The following DLGAP1 variants were observed in gnomAD, a reference collection of about 807,000 sequenced individuals.
DLGAP1 encodes the protein DLG associated protein 1, also known as disks large-associated protein 1.
Under a neutral mutation model 90.8 loss-of-function variants are expected in DLGAP1, and 11 were observed. The ratio of observed to expected loss-of-function variants is 0.12; its 90% CI spans 0.08 to 0.20. The LOEUF is 0.20. DLGAP1 is among the 10% of genes least tolerant of loss of function. The probability of loss-of-function intolerance (pLI) is 1.00; values close to 1 mark genes in which losing one functional copy is unlikely to be tolerated. For synonymous variants in DLGAP1, 558 were observed against 540.7 expected, an observed-to-expected ratio of 1.03 and a Z score of -0.44; for missense variants, 1,050 against 1,333.8, an observed-to-expected ratio of 0.79 and a Z score of 3.31.
intron 2 of DLGAP1, among the ~76,000 whole-genome samples, chr18:4,134,720 C>A (rs1598459385): frequency 6.6e-6 from 1 of 152,128 alleles, no homozygotes; most frequent in South Asian, 2.1e-4. Context: ...TAGGTTGAAA[C>A]ATTTGAATTT....
chr18:3,551,994 T>C (rs555557653), intron 9 of DLGAP1, among the ~76,000 whole-genome samples: 40 of 151,252 alleles, frequency 2.6e-4, no homozygotes, highest in African/African-American at 9.2e-4. Flanking sequence ...TTTTTGTAGA[T>C]AGAGGGTCTC....
At chr18:4,081,561 C>T (rs375701953) in intron 2 of DLGAP1, among the ~76,000 whole-genome samples, 2 of 152,178 alleles carry the variant, frequency 1.3e-5, no homozygotes, top group East Asian at 1.9e-4. Context: ...CTCTCTCTCT[C>T]GCAAAGTAAG....
At chr18:3,694,837 T>C (rs924540361) in intron 7 of DLGAP1, among the ~76,000 whole-genome samples, 1 of 152,174 alleles carries the variant, frequency 6.6e-6, no homozygotes, top group African/African-American at 2.4e-5. Context: ...GGTTGTCTGC[T>C]CACTCTGATG....
At chr18:4,278,053 CT>C (rs1240611830) in intron 1 of DLGAP1, among the ~76,000 whole-genome samples, 2 of 151,816 alleles carry the variant, frequency 1.3e-5, no homozygotes, top group Admixed American at 6.6e-5. Flanking sequence ...AGCTACTTAC[CT>C]TTGGCTCTTT....
chr18:3,551,709 TCCCTCCCTCCCTC>T (rs2053463687), intron 9 of DLGAP1, among the ~76,000 whole-genome samples: 2 of 27,314 alleles, frequency 7.3e-5, no homozygotes, highest in Non-Finnish European at 1.1e-4. Context: ...CCTCCCTCCC[TCCCTCCCTCCCTC>T]CCTTCCTTCC....
At chr18:3,740,814 CTGTCACCAT>C (rs2062870646) in intron 6 of DLGAP1, among the ~76,000 whole-genome samples, 1 of 150,600 alleles carries the variant, frequency 6.6e-6, no homozygotes, top group African/African-American at 2.4e-5. Context: ...ACCGCCACCA[CTGTCACCAT>C]TGCTATTACC....
At chr18:4,161,345 T>C (rs1314814341) in intron 1 of DLGAP1, among the ~76,000 whole-genome samples, 5 of 152,174 alleles carry the variant, frequency 3.3e-5, no homozygotes, top group Non-Finnish European at 7.3e-5. Flanking sequence ...CATGTGGTGT[T>C]TGGTTTTATG....
rs1048185917 is a variant in DLGAP1, at chr18:4,037,569, G to A, written c.-158-32368C>T. ...TTACTTTCCCTTTGTTCTGAGCTGC[G>A]CCATGCCTTTTCTCTTTTGGGGGCT... On this transcript the variant is annotated intron_variant, in intron 2 of 12. Transcript: ENST00000315677. Among the ~76,000 whole-genome samples, 8 of 152,110 alleles carry A rather than the reference G, an allele frequency of 5.3e-5. No individual in the cohort carries two copies. In the East Asian group the frequency reaches 5.8e-4, roughly 11 times the overall value.
At chr18:4,085,317 T>C (rs2075666828) in intron 2 of DLGAP1, among the ~76,000 whole-genome samples, 1 of 152,358 alleles carries the variant, frequency 6.6e-6, no homozygotes, top group South Asian at 2.1e-4. Flanking sequence ...AGTGATTATA[T>C]GCATTAGCAT....
chr18:3,774,670 G>A (rs1188887380), intron 5 of DLGAP1: 2 of 152,152 alleles, frequency 1.3e-5, no homozygotes, highest in Admixed American at 1.3e-4. Flanking sequence ...CGGTTTTACT[G>A]AAATATAACA....
intron 1 of DLGAP1, among the ~76,000 whole-genome samples, chr18:4,406,208 AG>A (rs2082661705): frequency 6.6e-6 from 1 of 152,174 alleles, no homozygotes; most frequent in African/African-American, 2.4e-5. Flanking sequence ...GCCCACCACC[AG>A]TCTGATTGGT....
chr18:3,600,971 TAG>T lies in DLGAP1; in HGVS notation c.1592-18725_1592-18724del, dbSNP rs1160359079. The stretch of plus-strand genomic sequence containing the variant: ...ATATAGATATATATAGATATATAGA[TAG>T]ATATATAGATATAGATATATAGATA... On this transcript the variant is annotated intron_variant, in intron 7 of 12. Coordinates refer to ENST00000315677, the MANE Select transcript of DLGAP1 (RefSeq NM_004746.4). Among the ~76,000 whole-genome samples the T allele has an allele frequency of 6.2e-4, 70 of 112,816 alleles. 6 individuals are homozygous for T. Among genetic ancestry groups the T allele is most frequent in the South Asian group, 1.9e-3 (7 of 3,780 alleles). The allele number at this position is 112,816 out of a possible 152,430, so 74.0% of individuals were successfully genotyped here. A position where few individuals can be genotyped will look rare whatever the true frequency, so the allele number is the denominator to read the frequency against.
chr18:4,306,828 G>A (rs533440887), intron 1 of DLGAP1, among the ~76,000 whole-genome samples: 3 of 152,246 alleles, frequency 2.0e-5, no homozygotes, highest in Non-Finnish European at 4.4e-5. Flanking sequence ...ATTTTCACAA[G>A]AATTTATTAA....
intron 1 of DLGAP1, among the ~76,000 whole-genome samples, chr18:4,169,938 T>A (rs934699578): frequency 7.9e-5 from 12 of 152,170 alleles, no homozygotes; most frequent in African/African-American, 2.9e-4. Context: ...GCCCTTATTG[T>A]AAAATGTGAA....
At chr18:3,781,509 T>C (rs11661523) in intron 5 of DLGAP1, among the ~76,000 whole-genome samples, 146,936 of 152,202 alleles carry the variant, frequency 0.97, 71,018 homozygotes, top group East Asian at 1. Context: ...CCTGCCACCA[T>C]GCCGGCTAAT....
At chr18:4,071,808 TA>T (rs1395250132) in intron 2 of DLGAP1, among the ~76,000 whole-genome samples, 4 of 152,220 alleles carry the variant, frequency 2.6e-5, no homozygotes, top group Non-Finnish European at 5.9e-5. Flanking sequence ...TATGATTTTC[TA>T]ACTCTGTTCA....
intron 1 of DLGAP1, among the ~76,000 whole-genome samples, chr18:4,302,761 T>C (rs931481808): frequency 5.9e-5 from 9 of 152,166 alleles, no homozygotes; most frequent in East Asian, 1.9e-4. Flanking sequence ...AAAATGACAT[T>C]GAAATTTTAA....
At chr18:4,038,223 G>T (rs1475874408) in intron 2 of DLGAP1, among the ~76,000 whole-genome samples, 1 of 152,196 alleles carries the variant, frequency 6.6e-6, no homozygotes, top group Non-Finnish European at 1.5e-5. Context: ...ATTAAGTAAT[G>T]ATTTAAACAT....
intron 4 of DLGAP1, among the ~76,000 whole-genome samples, chr18:3,877,581 G>A (rs1479573483): frequency 2.6e-5 from 4 of 152,054 alleles, no homozygotes; most frequent in African/African-American, 9.7e-5. Context: ...TATCCTTATC[G>A]AAATACTTTA....
Sources: allele counts gnomAD v4.1 joint callset (sites outside exome capture counted in the v4.1 genomes callset), GRCh38; gene constraint gnomAD v4.1.1; transcripts MANE v1.5; gene names NCBI Gene and HGNC (gene_info 2026-07-23, HGNC 2026-07-21).